TJP1: variants seen among roughly 807,000 people sequenced by gnomAD.
The protein encoded by TJP1 is tight junction protein 1.
A neutral mutation model predicts 194.2 loss-of-function variants in TJP1; 43 were observed. That is an observed-to-expected ratio of 0.22 (90% CI 0.17 to 0.29). The LOEUF (loss-of-function observed/expected upper bound fraction) is 0.29. Among genes scored for constraint, TJP1 ranks in the 10% least tolerant of loss-of-function variants. The probability of loss-of-function intolerance (pLI) is 1.00; values close to 1 mark genes in which losing one functional copy is unlikely to be tolerated. For synonymous variants in TJP1, 801 were observed against 779.0 expected, an observed-to-expected ratio of 1.03 and a Z score of -0.47; for missense variants, 1,971 against 2,185.7, an observed-to-expected ratio of 0.90 and a Z score of 1.96.
chr15:29,752,514 C>G (rs954394647), intron 8 of TJP1, among the ~76,000 whole-genome samples: 3 of 152,064 alleles, frequency 2.0e-5, no homozygotes, highest in Admixed American at 2.0e-4. Context: ...CACTGAATAC[C>G]CCATGACTAT....
In TJP1 at chr15:29,732,759, C is replaced by T. The variant is rs1229079920; in HGVS notation, c.1793G>A (p.Arg598His). ...ACCTCTGAATCTCCAGAAGTCAGCA[C>T]GGTCTCCGCCTGCTGTTTTTGGAAG... Reference protein sequence around the residue: ...YTLPKTAGGDRADFWRFRGLR... With the variant: ...YTLPKTAGGDHADFWRFRGLR... Residue 598 changes from arginine (R) to histidine (H), a missense_variant, in exon 14 of 28, where the codon CGT becomes CAT. Coordinates refer to ENST00000614355, the MANE Select transcript of TJP1 (RefSeq NM_001330239.4). 2.5e-6 allele frequency: 4 copies of T among 1,614,020 alleles called. No homozygotes were observed. Among genetic ancestry groups the T allele is most frequent in the Admixed American group, 1.7e-5 (1 of 59,980 alleles).
chr15:29,918,100 C>T (rs890566423), intron 2 of TJP1, among the ~76,000 whole-genome samples: 4 of 152,202 alleles, frequency 2.6e-5, no homozygotes, highest in African/African-American at 9.7e-5. Context: ...TTATGACTGA[C>T]TCACTTCACG....
At chr15:29,840,008 T>C (rs1172711021) in intron 2 of TJP1, among the ~76,000 whole-genome samples, 1 of 152,234 alleles carries the variant, frequency 6.6e-6, no homozygotes, top group African/African-American at 2.4e-5. Context: ...CTAATGACAT[T>C]GAACAGCTTT....
chr15:29,794,346 T>C (rs933590018), intron 2 of TJP1, among the ~76,000 whole-genome samples: 9 of 152,162 alleles, frequency 5.9e-5, no homozygotes, highest in African/African-American at 1.7e-4. Context: ...ACCTCTCTTA[T>C]CTCAATGTAT....
At chr15:29,739,513 G>A (rs1432445606) in intron 10 of TJP1, among the ~76,000 whole-genome samples, 3 of 152,076 alleles carry the variant, frequency 2.0e-5, no homozygotes, top group South Asian at 2.1e-4. Context: ...GCGCGATCTC[G>A]GCTCACTGCA....
rs571839215 is a variant in TJP1, at chr15:29,883,715, T to C, written c.306+72517A>G. On this transcript the variant is annotated intron_variant, in intron 2 of 28. Coordinates refer to the TJP1 transcript ENST00000356107. The stretch of plus-strand genomic sequence containing the variant: ...TCATTTCTGGCTTTAATTGTGAGGT[T>C]ATGGCTTTCAGAAAAGAAAAGAAAA... Among the ~76,000 whole-genome samples, 7 of 152,284 alleles carry C rather than the reference T, an allele frequency of 4.6e-5. No individual in the cohort carries two copies. The South Asian group carries it at 1.2e-3, about 27-fold the overall frequency.
Position 29,822,391 on chromosome 15 carries a change from G to C in TJP1, c.-363C>G, listed in dbSNP as rs1030102802. ...TCTCCTCGGAAGCCGGCTTCGCCAC[G>C]TAACTTCCCGGGAACCGGCGGCCGC... On this transcript the variant is annotated 5_prime_UTR_variant, in exon 1 of 28. Coordinates refer to ENST00000614355, the MANE Select transcript of TJP1 (RefSeq NM_001330239.4). 30 of 1,009,094 alleles carry C rather than the reference G, an allele frequency of 3.0e-5. No individual in the cohort carries two copies. The highest frequency in any genetic ancestry group is 3.5e-5 in the Non-Finnish European group (30 of 845,422). The allele number at this position is 1,009,094 out of a possible 1,614,324, so 62.5% of individuals were successfully genotyped here. A position where few individuals can be genotyped will look rare whatever the true frequency, so the allele number is the denominator to read the frequency against.
chr15:29,794,899 GAATA>G (rs1031667616), intron 2 of TJP1, among the ~76,000 whole-genome samples: 2 of 151,892 alleles, frequency 1.3e-5, no homozygotes, highest in African/African-American at 2.4e-5. Flanking sequence ...ACAGAAAACA[GAATA>G]AAGAATGTCA....
intron 8 of TJP1, among the ~76,000 whole-genome samples, chr15:29,748,558 CTAATTCTT>C (rs2044971284): frequency 7.2e-6 from 1 of 138,076 alleles, no homozygotes; most frequent in African/African-American, 2.7e-5. Flanking sequence ...CCAAACCTTC[CTAATTCTT>C]TTTTTTTTTT....
intron 2 of TJP1, among the ~76,000 whole-genome samples, chr15:29,887,390 C>T (rs2053154642): frequency 6.6e-6 from 1 of 151,690 alleles, no homozygotes. Context: ...AACCTCCTCT[C>T]CCAGGTTCAA....
intron 8 of TJP1, chr15:29,759,115 T>A (rs933744439): frequency 3.9e-5 from 6 of 152,314 alleles, no homozygotes; most frequent in African/African-American, 1.4e-4. Context: ...CCTGGCTAGG[T>A]ACGCCTCCCT....
At chr15:29,745,771 G>A (rs2044730303) in intron 8 of TJP1, among the ~76,000 whole-genome samples, 2 of 152,084 alleles carry the variant, frequency 1.3e-5, no homozygotes, top group Non-Finnish European at 2.9e-5. Flanking sequence ...TCCATAATAC[G>A]GAAAGTTTCT....
chr15:29,787,754 T>C (rs887551630), intron 2 of TJP1, among the ~76,000 whole-genome samples: 27 of 152,376 alleles, frequency 1.8e-4, no homozygotes, highest in African/African-American at 6.3e-4. Flanking sequence ...TCAGCTAATA[T>C]AGCCAGATCT....
chr15:29,764,228 G>C (rs926879198), intron 5 of TJP1, among the ~76,000 whole-genome samples: 1 of 152,122 alleles, frequency 6.6e-6, no homozygotes, highest in African/African-American at 2.4e-5. Flanking sequence ...GGAGAAGGCC[G>C]CCCTGAGGAA....
At chr15:29,702,668 T>C (rs1317713616) in intron 27 of TJP1, among the ~76,000 whole-genome samples, 1 of 152,212 alleles carries the variant, frequency 6.6e-6, no homozygotes, top group Non-Finnish European at 1.5e-5. Flanking sequence ...CTGAGAACTT[T>C]GCTTACAGTA....
intron 2 of TJP1, among the ~76,000 whole-genome samples, chr15:29,832,514 C>T (rs2050868358): frequency 6.6e-6 from 1 of 152,196 alleles, no homozygotes; most frequent in Non-Finnish European, 1.5e-5. Flanking sequence ...AAGGATAAAC[C>T]TATAGAAGTA....
chr15:29,724,985 C>T (rs1357938675), intron 18 of TJP1, among the ~76,000 whole-genome samples: 1 of 152,156 alleles, frequency 6.6e-6, no homozygotes, highest in Non-Finnish European at 1.5e-5. Context: ...TTTGGGAAAA[C>T]ATTTATAGAC....
chr15:29,791,599 T>C (rs2048096609), intron 2 of TJP1, among the ~76,000 whole-genome samples: 1 of 149,420 alleles, frequency 6.7e-6, no homozygotes, highest in Admixed American at 6.7e-5. Flanking sequence ...TTCACCGTGT[T>C]AGCCAGGATG....
rs375959405 is a variant in TJP1, at chr15:29,727,660, C to T, written c.2100+277G>A. Among the ~76,000 whole-genome samples, 5 of 152,292 alleles carry T rather than the reference C, an allele frequency of 3.3e-5. No homozygotes were observed. The South Asian group carries it at 1.0e-3, about 32-fold the overall frequency. ...CCTTATGAATGTAAATAACAAACTA[C>T]AACTTGAATTGTACTGATATAATAT... On this transcript the variant is annotated intron_variant, in intron 16 of 27. Transcript: ENST00000614355.
Sources: gnomAD v4.1 joint callset for allele counts (sites outside exome capture counted in the v4.1 genomes callset) on GRCh38, gnomAD v4.1.1 for gene constraint, MANE v1.5 for transcripts, NCBI Gene and HGNC (gene_info 2026-07-23, HGNC 2026-07-21) for gene names.